FAM118A: variants seen among roughly 807,000 people sequenced by gnomAD.
The protein encoded by FAM118A is SIR2 antiphage like 2.
In FAM118A, 25 loss-of-function variants were observed where a neutral mutation model predicts 38.2. The ratio of observed to expected loss-of-function variants is 0.65; its 90% confidence interval spans 0.48 to 0.91. The LOEUF (loss-of-function observed/expected upper bound fraction) is 0.91. Among genes scored for constraint, FAM118A ranks in the 40% least tolerant of loss-of-function variants. The pLI, the probability that FAM118A is intolerant of heterozygous loss-of-function variation, is 0.00. For missense variants in FAM118A, 425 were observed against 463.3 expected, an observed-to-expected ratio of 0.92 and a Z score of 0.76; for synonymous variants, 178 against 184.1, an observed-to-expected ratio of 0.97 and a Z score of 0.27.
chr22:45,319,583 A>G (rs1473637901), intron 1 of FAM118A, among the ~76,000 whole-genome samples: 1 of 152,232 alleles, frequency 6.6e-6, no homozygotes, highest in Non-Finnish European at 1.5e-5. Context: ...CCCATTGGCA[A>G]GAATCCATGT....
intron 1 of FAM118A, among the ~76,000 whole-genome samples, chr22:45,321,083 A>G (rs1366577310): frequency 6.6e-6 from 1 of 152,178 alleles, no homozygotes; most frequent in East Asian, 1.9e-4. Flanking sequence ...AAAGTAGGAT[A>G]TGCACTGTGT....
chr22:45,330,701 TA>T lies in FAM118A; in HGVS notation c.624del (p.Asp209ThrfsTer56). 6.3e-7 allele frequency: 1 copy of T among 1,586,588 alleles called. No individual in the cohort carries two copies. The highest frequency in any genetic ancestry group is 8.6e-7 in the Non-Finnish European group (1 of 1,169,524). ...GGGTGGTGCTGGACCCATCGGGGTA[TA>T]AAGACGTCACTCAAGACGCAGAAGT... is the stretch of plus-strand genomic sequence containing the variant. Reference protein sequence around the residue: ...CGVVLDPSGYKDVTQDAEVME... With the variant: ...CGVVLDPSGYXDVTQDAEVME... On this transcript the variant is annotated frameshift_variant, in exon 5 of 9. Transcript: ENST00000441876. LOFTEE classifies it high-confidence loss of function.
intron 6 of FAM118A, among the ~76,000 whole-genome samples, chr22:45,334,443 T>C (rs903716207): frequency 5.3e-5 from 8 of 152,210 alleles, no homozygotes; most frequent in Non-Finnish European, 1.2e-4. Flanking sequence ...TTAACCACTA[T>C]CATTTCTTTT....
intron 1 of FAM118A, among the ~76,000 whole-genome samples, chr22:45,317,985 G>A (rs1335522427): frequency 2.6e-5 from 4 of 152,242 alleles, no homozygotes; most frequent in Admixed American, 2.6e-4. Flanking sequence ...GGCATGAGGG[G>A]CGGGGCCATT....
chr22:45,319,238 C>CTAG (rs2084743527), intron 1 of FAM118A, among the ~76,000 whole-genome samples: 1 of 152,126 alleles, frequency 6.6e-6, no homozygotes, highest in Non-Finnish European at 1.5e-5. Flanking sequence ...CACTGGTTGA[C>CTAG]CAGTGCGTGT....
At position 45,322,477 on chromosome 22, in the gene FAM118A, GTC is replaced by G. The variant is rs1438596938; in HGVS notation, c.47+56_47+57del. On this transcript the variant is annotated intron_variant, in intron 2 of 8. Transcript: ENST00000441876. ...AGCAGCTTCATTGACTTCATCTAGCGTCTCTCGTGAGTGTGCGCACTCGTTCT... is the reference window on the plus strand; with the variant it reads ...AGCAGCTTCATTGACTTCATCTAGCGTCTCGTGAGTGTGCGCACTCGTTCT... 3 of 1,502,228 alleles carry G rather than the reference GTC, an allele frequency of 2.0e-6. No individual in the cohort carries two copies. In the African/African-American group the frequency reaches 4.2e-5, roughly 21 times the overall value. The allele number at this position is 1,502,228 out of a possible 1,614,324, so 93.1% of individuals were successfully genotyped here. A position where few individuals can be genotyped will look rare whatever the true frequency, so the allele number is the denominator to read the frequency against.
In FAM118A at chr22:45,340,451, CCA is replaced by C; in HGVS notation, c.*49_*50del. 1.2e-6 allele frequency: 2 copies of C among 1,605,540 alleles called. No homozygotes were observed. Among genetic ancestry groups the C allele is most frequent in the Non-Finnish European group, 1.7e-6 (2 of 1,172,152 alleles). ...CAACTTGAAAACTAGCCTTCTGTAA[CCA>C]CAGTGCCCAAACGAAGAGGAATGTA... On this transcript the variant is annotated 3_prime_UTR_variant, in exon 9 of 9. Transcript: ENST00000441876.
intron 8 of FAM118A, among the ~76,000 whole-genome samples, chr22:45,339,216 C>T (rs1234631235): frequency 6.6e-6 from 1 of 152,026 alleles, no homozygotes; most frequent in Admixed American, 6.5e-5. Flanking sequence ...GCCAACATGG[C>T]GAAACCCCGT....
chr22:45,319,031 A>G (rs886616028), intron 1 of FAM118A: 17 of 152,250 alleles, frequency 1.1e-4, no homozygotes, highest in Admixed American at 9.8e-4. Flanking sequence ...TCGGAGTTAA[A>G]TATAGCCTGC....
chr22:45,326,545 G>T lies in FAM118A; in HGVS notation c.301-1297G>T, dbSNP rs558024723. Among the ~76,000 whole-genome samples the T allele has an allele frequency of 1.1e-4, 16 of 152,234 alleles. No homozygotes were observed. The South Asian group carries it at 2.3e-3, about 22-fold the overall frequency. On this transcript the variant is annotated intron_variant, in intron 3 of 8. Coordinates refer to ENST00000441876, the MANE Select transcript of FAM118A (RefSeq NM_017911.4). ...TCTACAAAAAATAAAAAAAAATTTA[G>T]GCCGGGTATAGTGGCTCACGCCTGT...
Position 45,340,496 on chromosome 22 carries a change from A to G in FAM118A, c.*91A>G. Reference sequence around the variant, plus strand: ...GGAATGTATGGAGAACTCCACGTGGATCTCTGATTGCGAAACCGTCACATA... The same window carrying G: ...GGAATGTATGGAGAACTCCACGTGGGTCTCTGATTGCGAAACCGTCACATA... On this transcript the variant is annotated 3_prime_UTR_variant, in exon 9 of 9. Coordinates refer to ENST00000441876, the MANE Select transcript of FAM118A (RefSeq NM_017911.4). The G allele has an allele frequency of 1.4e-6, 2 of 1,470,330 alleles. No individual in the cohort carries two copies. Among genetic ancestry groups the G allele is most frequent in the Non-Finnish European group, 1.9e-6 (2 of 1,049,356 alleles). 91.1% of individuals were successfully genotyped at this position (1,470,330 alleles called of 1,614,324 possible). A position where few individuals can be genotyped will look rare whatever the true frequency, so the allele number is the denominator to read the frequency against.
chr22:45,312,006 G>A (rs575219817), intron 1 of FAM118A, among the ~76,000 whole-genome samples: 1 of 152,150 alleles, frequency 6.6e-6, no homozygotes, highest in African/African-American at 2.4e-5. Context: ...GGTGGGGAGA[G>A]GCTGAGTCTC....
At chr22:45,312,358 GT>G (rs942535043) in intron 1 of FAM118A, among the ~76,000 whole-genome samples, 1 of 152,078 alleles carries the variant, frequency 6.6e-6, no homozygotes, top group Non-Finnish European at 1.5e-5. Context: ...TCAAGTTGGG[GT>G]TCCCATGACC....
chr22:45,332,249 G>T (rs1487419525), intron 5 of FAM118A, among the ~76,000 whole-genome samples, 176 bp from the exon 6 acceptor site: 1 of 150,160 alleles, frequency 6.7e-6, no homozygotes, highest in Non-Finnish European at 1.5e-5. Flanking sequence ...CTGCTGGGGG[G>T]TGGCCTGAGT....
At chr22:45,329,755 C>G (rs995760143) in intron 4 of FAM118A, 1 of 152,282 alleles carries the variant, frequency 6.6e-6, no homozygotes, top group East Asian at 1.9e-4. Flanking sequence ...GCCACATGGT[C>G]CCCACTGCTG....
rs530292895 is a variant in FAM118A, at chr22:45,317,820, G to A, written c.-9-4551G>A. ...CCAAGTGGCAGGCCAGAGCTCTGCA[G>A]GGCAGAATTCCACCGGGACAGGCTC... On this transcript the variant is annotated intron_variant, in intron 1 of 8. Coordinates refer to ENST00000441876, the MANE Select transcript of FAM118A (RefSeq NM_017911.4). 2.6e-5 allele frequency among the ~76,000 whole-genome samples: 4 copies of A among 152,376 alleles called. No homozygotes were observed. The East Asian group carries it at 5.8e-4, about 22-fold the overall frequency.
At chr22:45,315,667 C>T (rs1431422779) in intron 1 of FAM118A, among the ~76,000 whole-genome samples, 1 of 150,774 alleles carries the variant, frequency 6.6e-6, no homozygotes, top group African/African-American at 2.4e-5. Context: ...GTCTACCTGG[C>T]TGGGGGAAAT....
intron 1 of FAM118A, among the ~76,000 whole-genome samples, chr22:45,310,920 A>G (rs925885482): frequency 2.6e-5 from 4 of 152,192 alleles, no homozygotes; most frequent in African/African-American, 9.6e-5. Context: ...TCAAGGAACT[A>G]ACATTTTGTT....
intron 3 of FAM118A, among the ~76,000 whole-genome samples, chr22:45,326,509 G>A (rs1320271791): frequency 1.3e-5 from 2 of 152,064 alleles, no homozygotes; most frequent in African/African-American, 4.8e-5. Context: ...GCAACATAGC[G>A]AGACCTCGTC....
Sources: allele counts gnomAD v4.1 joint callset (sites outside exome capture counted in the v4.1 genomes callset), GRCh38; gene constraint gnomAD v4.1.1; transcripts MANE v1.5; gene names NCBI Gene and HGNC (gene_info 2026-07-23, HGNC 2026-07-21).